MYRIP: variants seen among roughly 807,000 people sequenced by gnomAD.
The protein encoded by MYRIP is myosin VIIA and Rab interacting protein.
Under a neutral mutation model 98.0 loss-of-function variants are expected in MYRIP, and 49 were observed. That is an observed-to-expected ratio of 0.50 (90% CI 0.40 to 0.63). The LOEUF (loss-of-function observed/expected upper bound fraction) is 0.63. MYRIP is among the 30% of genes least tolerant of loss of function. The pLI is 0.00. For missense variants in MYRIP, 1,004 were observed against 1,058.2 expected, an observed-to-expected ratio of 0.95 and a Z score of 0.71; for synonymous variants, 404 against 409.5, an observed-to-expected ratio of 0.99 and a Z score of 0.16.
rs1947483775 is a variant in MYRIP at position 40,040,417 on chromosome 3, G to A, written c.111-3633G>A. Among the ~76,000 whole-genome samples the A allele has an allele frequency of 2.6e-5, 3 of 115,590 alleles. No individual in the cohort carries two copies. The Admixed American group carries it at 2.8e-4, about 11-fold the overall frequency. 75.8% of individuals were successfully genotyped at this position (115,590 alleles called of 152,430 possible). The stretch of plus-strand genomic sequence containing the variant: ...TAGTTCAACCATTGTGGAAGTCAGT[G>A]TGGCGATTCCTCAGGGATCTAGAAC... On this transcript the variant is annotated intron_variant, in intron 2 of 16. Transcript: ENST00000302541.
rs764899462 is a variant in MYRIP at position 40,167,239 on chromosome 3, G to A, written c.729G>A (p.Lys243=). 1 of 1,614,110 alleles carries A rather than the reference G, an allele frequency of 6.2e-7. No homozygotes were observed. Among genetic ancestry groups the A allele is most frequent in the South Asian group, 1.1e-5 (1 of 91,080 alleles). ...TEELATTILQ[K]IIRKQKSKSE... ...AACTGGCCACGACAATCCTGCAGAA[G>A]GTAGGTGGGTCCTGGCAGTGGGATG... is the stretch of plus-strand genomic sequence containing the variant. Residue 243 remains lysine (K), a splice_region_variant and synonymous_variant, in exon 7 of 17, where the codon AAG becomes AAA. Transcript: ENST00000302541.
At chr3:40,234,117 G>A (rs2125700577) in intron 12 of MYRIP, 64 bp downstream of exon 12, 1 of 1,493,496 alleles carries the variant, frequency 6.7e-7, no homozygotes, top group African/African-American at 1.4e-5. Flanking sequence ...TGATGAAATT[G>A]TAGCTTATCG....
intron 2 of MYRIP, 75 bp from the exon 3 acceptor site, chr3:40,043,975 T>C (rs1575491214): frequency 1.4e-6 from 2 of 1,413,168 alleles, no homozygotes; most frequent in East Asian, 4.8e-5. Context: ...ACAGGGTGCA[T>C]GCTTTGGGGA....
intron 3 of MYRIP, among the ~76,000 whole-genome samples, chr3:40,125,793 A>G (rs146206146): frequency 1.2e-4 from 18 of 152,150 alleles, no homozygotes; most frequent in African/African-American, 3.9e-4. Context: ...CCTTCTCGCT[A>G]TTTGTCAGCT....
intron 1 of MYRIP, among the ~76,000 whole-genome samples, chr3:39,892,664 T>C (rs540589931): frequency 4.6e-5 from 7 of 152,252 alleles, no homozygotes; most frequent in Middle Eastern, 3.4e-3. Context: ...ATGTGAAGAG[T>C]GATCATTTGA....
At chr3:40,080,299 T>C (rs1171311987) in intron 3 of MYRIP, among the ~76,000 whole-genome samples, 1 of 152,154 alleles carries the variant, frequency 6.6e-6, no homozygotes, top group Non-Finnish European at 1.5e-5. Context: ...TGTATTGTGT[T>C]TTTATACTCT....
intron 2 of MYRIP, among the ~76,000 whole-genome samples, chr3:39,904,641 A>G (rs1162986436): frequency 6.6e-6 from 1 of 152,090 alleles, no homozygotes; most frequent in Non-Finnish European, 1.5e-5. Context: ...GTAAGTGGAG[A>G]AGGACACTGG....
At chr3:39,880,981 T>G (rs4315639) in intron 1 of MYRIP, among the ~76,000 whole-genome samples, 6,127 of 152,234 alleles carry the variant, frequency 0.04, 307 homozygotes, top group East Asian at 0.13. Context: ...TTCTTCTTTT[T>G]ACTATTTTCT....
At chr3:39,829,086 TC>T (rs764800574) in intron 1 of MYRIP, among the ~76,000 whole-genome samples, 40 of 152,214 alleles carry the variant, frequency 2.6e-4, no homozygotes, top group African/African-American at 8.2e-4. Context: ...TAGTTTACAT[TC>T]CCACCAGCAG....
chr3:40,123,125 T>C (rs1949440080), intron 3 of MYRIP, among the ~76,000 whole-genome samples: 1 of 152,222 alleles, frequency 6.6e-6, no homozygotes, highest in African/African-American at 2.4e-5. Flanking sequence ...TATAGAAATG[T>C]TATCTGATAT....
intron 1 of MYRIP, among the ~76,000 whole-genome samples, chr3:39,882,652 T>G (rs1444152796): frequency 1.3e-5 from 2 of 152,134 alleles, no homozygotes; most frequent in African/African-American, 4.8e-5. Context: ...TTCTCACAGC[T>G]TAAATTTTCT....
At chr3:40,160,279 G>A (rs914240582) in intron 4 of MYRIP, among the ~76,000 whole-genome samples, 1 of 150,234 alleles carries the variant, frequency 6.7e-6, no homozygotes, top group Non-Finnish European at 1.5e-5. Context: ...TGCCCCTACT[G>A]GGGGGTGCCT....
At chr3:39,819,847 G>A (rs1941051018) in intron 1 of MYRIP, among the ~76,000 whole-genome samples, 1 of 152,184 alleles carries the variant, frequency 6.6e-6, no homozygotes, top group South Asian at 2.1e-4. Context: ...GTGCCTAAAA[G>A]CTTTCAGAAA....
chr3:39,822,578 T>C (rs901192434), intron 1 of MYRIP, among the ~76,000 whole-genome samples: 66 of 152,356 alleles, frequency 4.3e-4, no homozygotes, highest in African/African-American at 1.3e-3. Context: ...ATACCTCTGC[T>C]CTATAGCATA....
chr3:40,116,166 G>A (rs910718080), intron 3 of MYRIP, among the ~76,000 whole-genome samples: 1 of 152,188 alleles, frequency 6.6e-6, no homozygotes, highest in African/African-American at 2.4e-5. Flanking sequence ...ATCCCTGGAT[G>A]GGGGCACACT....
At chr3:40,107,101 TA>T (rs1289250269) in intron 3 of MYRIP, among the ~76,000 whole-genome samples, 1 of 152,236 alleles carries the variant, frequency 6.6e-6, no homozygotes, top group Non-Finnish European at 1.5e-5. Flanking sequence ...CTCAACTTTT[TA>T]AAAACTTGAA....
At chr3:39,863,885 A>G (rs1942544890) in intron 1 of MYRIP, among the ~76,000 whole-genome samples, 1 of 152,142 alleles carries the variant, frequency 6.6e-6, no homozygotes, top group Non-Finnish European at 1.5e-5. Flanking sequence ...ATGATCATAG[A>G]TGCAAAAACC....
At chr3:39,852,627 TATG>T (rs766912706) in intron 1 of MYRIP, among the ~76,000 whole-genome samples, 13 of 152,106 alleles carry the variant, frequency 8.5e-5, no homozygotes, top group Non-Finnish European at 1.3e-4. Flanking sequence ...AGTGAGAACA[TATG>T]ATATTTGGTT....
intron 3 of MYRIP, among the ~76,000 whole-genome samples, chr3:40,096,830 T>A (rs538239781): frequency 6.6e-6 from 1 of 152,284 alleles, no homozygotes; most frequent in East Asian, 1.9e-4. Context: ...CCAGGCAAAA[T>A]AACAACTGTA....
Sources: allele counts gnomAD v4.1 joint callset (sites outside exome capture counted in the v4.1 genomes callset), GRCh38; gene constraint gnomAD v4.1.1; transcripts MANE v1.5; gene names NCBI Gene and HGNC (gene_info 2026-07-23, HGNC 2026-07-21).